RBM6: variants seen among roughly 807,000 people sequenced by gnomAD.
RBM6 encodes RNA-binding protein 6.
A neutral mutation model predicts 140.4 loss-of-function variants in RBM6; 23 were observed. The observed-to-expected ratio is 0.16, with a 90% CI of 0.12 to 0.23. RBM6 has a LOEUF of 0.23. Among genes scored for constraint, RBM6 ranks in the 10% least tolerant of loss-of-function variants. The probability of loss-of-function intolerance (pLI) is 1.00; values close to 1 mark genes in which losing one functional copy is unlikely to be tolerated. For missense variants in RBM6, 1,139 were observed against 1,386.7 expected (o/e 0.82, Z 2.84); for synonymous variants, 439 against 475.6 (o/e 0.92, Z 1.00).
intron 8 of RBM6, 23 bp from the exon 9 acceptor site, chr3:50,057,705 T>G: frequency 6.3e-7 from 1 of 1,580,416 alleles, no homozygotes; most frequent in Non-Finnish European, 8.6e-7. Context: ...TTCTAGAGAT[T>G]CTCTTTGTTT....
chr3:50,054,054 T>C (rs1401068452), intron 7 of RBM6: 6 of 331,166 alleles, frequency 1.8e-5, no homozygotes, highest in Non-Finnish European at 3.3e-5. Context: ...GTAACAGTAG[T>C]TTTCTAGGCA....
In RBM6 at chr3:49,999,510, C is replaced by T; in HGVS notation, c.1554C>T (p.Asn518=). The change falls in exon 6 of 21, where the codon AAC becomes AAT. Residue 518 remains asparagine, a synonymous_variant. Coordinates refer to ENST00000266022, the MANE Select transcript of RBM6 (RefSeq NM_005777.3). The stretch of plus-strand genomic sequence containing the variant: ...ATGCCATCGGATGCATGGAGGCCAA[C>T]CAGGTTGCTTTATACTTCGGTCAAA... ...LEDAIGCMEA[N]QGTLMIQDKE... The T allele has an allele frequency of 1.2e-6, 2 of 1,611,224 alleles. No homozygotes were observed. Among genetic ancestry groups the T allele is most frequent in the Non-Finnish European group, 1.7e-6 (2 of 1,177,730 alleles).
At chr3:50,037,492 A>T (rs536748094) in intron 6 of RBM6, among the ~76,000 whole-genome samples, 1 of 152,306 alleles carries the variant, frequency 6.6e-6, no homozygotes, top group South Asian at 2.1e-4. Flanking sequence ...TATTTTATTA[A>T]TATTTTCAAG....
At chr3:50,002,017 G>A (rs1183049709) in intron 6 of RBM6, among the ~76,000 whole-genome samples, 3 of 152,248 alleles carry the variant, frequency 2.0e-5, no homozygotes, top group East Asian at 3.9e-4. Flanking sequence ...GCACTTGGTA[G>A]CATTTGAATT....
In RBM6 at chr3:50,027,878, C is replaced by T. The variant is rs1436738519; in HGVS notation, c.1558-20367C>T. ...AGAGCCACAATGCTAAAACTTCCAG[C>T]TTTTTACCAGCTATCCCCAGATGCG... On this transcript the variant is annotated intron_variant, in intron 6 of 20. Coordinates refer to ENST00000266022, the MANE Select transcript of RBM6 (RefSeq NM_005777.3). 5.9e-5 allele frequency among the ~76,000 whole-genome samples: 9 copies of T among 152,310 alleles called. No individual in the cohort carries two copies. The South Asian group carries it at 6.2e-4, about 11-fold the overall frequency.
chr3:50,054,347 A>G lies in RBM6; in HGVS notation c.1645A>G (p.Ile549Val), dbSNP rs1395704060. ...TTCTTCCTTACAGTGTAAGGCAAAC[A>G]TTGGTGGGCACCGATCTTCCTGTTC... ...FWYCKRCKANIGGHRSSCSFC... is the reference protein window; with the variant it reads ...FWYCKRCKANVGGHRSSCSFC... Residue 549 changes from isoleucine (I) to valine (V), a missense_variant, in exon 8 of 21, where the codon ATT (isoleucine) becomes GTT (valine). Around this residue, in one of 9 missense-constraint regions of RBM6, gnomAD observed 58 missense variants for 99.7 expected, o/e 0.58. Transcript: ENST00000266022. The G allele has an allele frequency of 2.5e-6, 4 of 1,612,300 alleles. No individual in the cohort carries two copies. Among genetic ancestry groups the G allele is most frequent in the Admixed American group, 1.7e-5 (1 of 59,996 alleles).
intron 6 of RBM6, among the ~76,000 whole-genome samples, chr3:50,043,301 G>T (rs2089029731): frequency 6.6e-6 from 1 of 151,920 alleles, no homozygotes; most frequent in Non-Finnish European, 1.5e-5. Context: ...TGGCCAACAT[G>T]GTGAAACCCC....
intron 6 of RBM6, among the ~76,000 whole-genome samples, chr3:50,014,151 G>A (rs755359417): frequency 3.3e-5 from 5 of 152,152 alleles, no homozygotes; most frequent in Non-Finnish European, 7.4e-5. Flanking sequence ...CTCTTTCCTT[G>A]CCTTATTCCT....
Position 50,070,473 on chromosome 3 carries a change from G to A in RBM6, c.3037G>A (p.Gly1013Arg). 5 of 1,613,956 alleles carry A rather than the reference G, an allele frequency of 3.1e-6. No homozygotes were observed. The highest frequency in any genetic ancestry group is 4.2e-6 in the Non-Finnish European group (5 of 1,179,842). The change falls in exon 19 of 21, where the codon GGA becomes AGA. Residue 1013 changes from glycine (G) to arginine (R), a missense_variant. Physicochemically the swap from Gly to Arg is moderately radical, Grantham distance 125. This residue lies in a region of RBM6 where 125 missense variants were observed against 142.0 expected (regional missense o/e 0.88). Coordinates refer to ENST00000266022, the MANE Select transcript of RBM6 (RefSeq NM_005777.3). The part of the protein sequence containing the change: ...REREGKFKGR[G>R]NDRREKLQSF... ...CCAACAGGGAAAGTTTAAAGGAAGA[G>A]GAAATGATCGCAGGGAAAAGCTCCA... is the stretch of plus-strand genomic sequence containing the variant.
intron 6 of RBM6, among the ~76,000 whole-genome samples, chr3:50,024,393 A>G (rs571045402): frequency 7.3e-4 from 111 of 152,236 alleles, no homozygotes; most frequent in African/African-American, 2.5e-3. Flanking sequence ...ACTGCTTCAT[A>G]TGGAGAAGCC....
rs2085018976 is a variant in RBM6 at position 49,975,374 on chromosome 3, T to G, written c.1465T>G (p.Leu489Val). ...TGGCATGCCTGTAAAGAACTTGCAG[T>G]TGAAGGAGTATAACACAGGTGAGTT... Reference protein sequence around the residue: ...PDGMPVKNLQLKEYNTGYDYG... With the variant: ...PDGMPVKNLQVKEYNTGYDYG... Residue 489 changes from leucine to valine, a missense_variant, in exon 5 of 21, where the codon TTG (leucine) becomes GTG (valine). Around this residue, in one of 9 missense-constraint regions of RBM6, gnomAD observed 58 missense variants for 99.7 expected, o/e 0.58. Coordinates refer to ENST00000266022, the MANE Select transcript of RBM6 (RefSeq NM_005777.3). The G allele has an allele frequency of 1.2e-6, 2 of 1,613,620 alleles. No homozygotes were observed. The highest frequency in any genetic ancestry group is 2.7e-5 in the African/African-American group (2 of 74,920).
intron 6 of RBM6, among the ~76,000 whole-genome samples, chr3:50,028,322 T>G (rs1328836078): frequency 6.6e-6 from 1 of 152,210 alleles, no homozygotes; most frequent in African/African-American, 2.4e-5. Flanking sequence ...AGTGGTCATC[T>G]TTTTTCTTTG....
At chr3:50,074,830 G>A (rs1050098267) in intron 19 of RBM6, among the ~76,000 whole-genome samples, 13 of 152,108 alleles carry the variant, frequency 8.5e-5, no homozygotes, top group African/African-American at 2.9e-4. Context: ...TTTTATATTA[G>A]GCTTATAAGC....
intron 6 of RBM6, among the ~76,000 whole-genome samples, chr3:50,028,485 G>A (rs1474040221): frequency 6.6e-6 from 1 of 152,172 alleles, no homozygotes; most frequent in Non-Finnish European, 1.5e-5. Context: ...GTTAGTTTAG[G>A]CACTTTTCCT....
At chr3:50,025,239 A>G (rs551172798) in intron 6 of RBM6, among the ~76,000 whole-genome samples, 57 of 152,054 alleles carry the variant, frequency 3.7e-4, no homozygotes, top group Admixed American at 6.6e-5. Context: ...CCTGGCTAAC[A>G]TGGCGAAACC....
intron 19 of RBM6, among the ~76,000 whole-genome samples, chr3:50,074,808 A>C (rs530870107): frequency 6.6e-6 from 1 of 152,314 alleles, no homozygotes; most frequent in East Asian, 1.9e-4. Context: ...ATATGAATCA[A>C]GAGGACAGAG....
intron 1 of RBM6, among the ~76,000 whole-genome samples, chr3:49,947,401 C>T (rs926268634): frequency 3.9e-5 from 6 of 151,932 alleles, no homozygotes; most frequent in Non-Finnish European, 8.8e-5. Context: ...CTGGACTCTA[C>T]CCTGGGTGAC....
chr3:50,003,056 C>CA (rs1365087310), intron 6 of RBM6, among the ~76,000 whole-genome samples: 1 of 151,952 alleles, frequency 6.6e-6, no homozygotes, highest in East Asian at 1.9e-4. Context: ...GTGGAGGTTG[C>CA]AGTGAGCCAA....
chr3:50,048,690 C>T (rs1475848841), intron 7 of RBM6, among the ~76,000 whole-genome samples: 1 of 152,124 alleles, frequency 6.6e-6, no homozygotes, highest in Non-Finnish European at 1.5e-5. Flanking sequence ...CTTTGGGAGT[C>T]GTACATTTTT....
Sources: gnomAD v4.1 joint callset for allele counts (sites outside exome capture counted in the v4.1 genomes callset) on GRCh38, gnomAD v4.1.1 for gene constraint, gnomAD v4.1.1 regional missense constraint, MANE v1.5 for transcripts, NCBI Gene and HGNC (gene_info 2026-07-23, HGNC 2026-07-21) for gene names.